The following PSTPIP1 variants were observed in gnomAD, a reference collection of about 807,000 sequenced individuals.
The protein encoded by PSTPIP1 is proline-serine-threonine phosphatase interacting protein 1, also known as proline-serine-threonine phosphatase-interacting protein 1.
A neutral mutation model predicts 69.6 loss-of-function variants in PSTPIP1; 66 were observed. The observed-to-expected ratio is 0.95, with a 90% CI of 0.78 to 1.16. The LOEUF (loss-of-function observed/expected upper bound fraction) is 1.16, where lower values mean the gene tolerates loss of function less well. Ranked by LOEUF, PSTPIP1 falls within the 50% of genes most tolerant of loss-of-function variation. The probability of loss-of-function intolerance (pLI) is 0.00; values close to 1 mark genes in which losing one functional copy is unlikely to be tolerated. For missense variants in PSTPIP1, 603 were observed against 557.4 expected (o/e 1.08, Z -0.82); for synonymous variants, 266 against 222.7 (o/e 1.19, Z -1.73).
At chr15:77,025,443 G>A (rs2076257690) in intron 4 of PSTPIP1, 55 bp from the exon 5 acceptor site, 1 of 1,587,066 alleles carries the variant, frequency 6.3e-7, no homozygotes, top group Non-Finnish European at 8.6e-7. Context: ...AGTTGTGGGT[G>A]GCTGAGGCCC....
chr15:77,016,222 C>T (rs951302438), intron 1 of PSTPIP1, among the ~76,000 whole-genome samples: 1 of 152,164 alleles, frequency 6.6e-6, no homozygotes, highest in African/African-American at 2.4e-5. Flanking sequence ...TGAGGGAAGC[C>T]GCACAAGGTG....
chr15:77,031,504 G>A, intron 10 of PSTPIP1: 1 of 447,370 alleles, frequency 2.2e-6, no homozygotes, highest in African/African-American at 2.0e-5. Context: ...ATGACTCTGT[G>A]GTTCCCCTGA....
intron 5 of PSTPIP1, chr15:77,026,052 G>T: frequency 2.2e-6 from 1 of 457,376 alleles, no homozygotes; most frequent in Non-Finnish European, 4.4e-6. Context: ...GTCAGACACA[G>T]ACTGGGGTGG....
intron 1 of PSTPIP1, among the ~76,000 whole-genome samples, chr15:77,006,986 G>A (rs865855867): frequency 6.6e-6 from 1 of 152,146 alleles, no homozygotes; most frequent in East Asian, 1.9e-4. Flanking sequence ...CTGAGGCCTG[G>A]ACCCTCCTGA....
At chr15:77,018,273 G>T (rs376968033) in intron 2 of PSTPIP1, 25 bp downstream of exon 2, 4 of 1,559,436 alleles carry the variant, frequency 2.6e-6, no homozygotes, top group African/African-American at 2.7e-5. Context: ...AGGCCATGGG[G>T]AGCGCAGGCA....
chr15:77,020,884 G>GTC (rs1455765353), intron 3 of PSTPIP1, among the ~76,000 whole-genome samples: 14 of 148,366 alleles, frequency 9.4e-5, no homozygotes, highest in Non-Finnish European at 1.5e-4. Flanking sequence ...GGGGGGGTGT[G>GTC]TGTGTTGGCC....
At chr15:77,035,718 G>A in intron 13 of PSTPIP1, 84 bp from the exon 14 acceptor site, 1 of 1,513,228 alleles carries the variant, frequency 6.6e-7, no homozygotes, top group South Asian at 1.2e-5. Flanking sequence ...GCAGGGCCCA[G>A]CATGGAGAAA....
chr15:77,032,641 G>GCCCCCACTC (rs1270615881), intron 11 of PSTPIP1: 2 of 615,996 alleles, frequency 3.2e-6, no homozygotes, highest in Non-Finnish European at 2.9e-6. Context: ...AGCTCCCACG[G>GCCCCCACTC]CCCCCACTCC....
At chr15:77,015,730 G>T (rs777934681) in intron 1 of PSTPIP1, 81 of 355,484 alleles carry the variant, frequency 2.3e-4, no homozygotes, top group Non-Finnish European at 3.8e-4. Flanking sequence ...TGGCAGGGGT[G>T]GGGGTGAAGG....
intron 1 of PSTPIP1, among the ~76,000 whole-genome samples, chr15:77,003,457 C>A (rs901486675): frequency 1.2e-4 from 19 of 152,246 alleles, no homozygotes; most frequent in Non-Finnish European, 2.6e-4. Context: ...GGTTCGAGAC[C>A]AGCCTGGCCA....
At chr15:77,026,671 G>A (rs113989057) in intron 5 of PSTPIP1, among the ~76,000 whole-genome samples, 1,906 of 152,348 alleles carry the variant, frequency 0.013, 26 homozygotes, top group African/African-American at 0.034. Flanking sequence ...GTGGCTGCCC[G>A]TGCCACCTGC....
At chr15:77,003,506 A>G (rs1006041661) in intron 1 of PSTPIP1, among the ~76,000 whole-genome samples, 3 of 152,152 alleles carry the variant, frequency 2.0e-5, no homozygotes, top group Non-Finnish European at 2.9e-5. Context: ...CTACAAAAAA[A>G]TTAGCGGGGC....
At chr15:77,016,721 T>C (rs2076059908) in intron 1 of PSTPIP1, among the ~76,000 whole-genome samples, 9 of 152,048 alleles carry the variant, frequency 5.9e-5, no homozygotes, top group Admixed American at 5.9e-4. Flanking sequence ...GTTGGGGCAA[T>C]TTATGCCATT....
At chr15:77,004,464 T>A (rs1245347955) in intron 1 of PSTPIP1, among the ~76,000 whole-genome samples, 3 of 152,058 alleles carry the variant, frequency 2.0e-5, no homozygotes, top group Non-Finnish European at 4.4e-5. Flanking sequence ...ACAGCCACAC[T>A]GGGGAGGAAG....
At position 76,995,681 on chromosome 15, in the gene PSTPIP1, A is replaced by T. The variant is rs564040947; in HGVS notation, c.36+72A>T. ...CTAGGCTGAAATCTCCATGCAGGTG[A>T]TGGGATGCGGCTCCGAGAGGGGAGC... On this transcript the variant is annotated intron_variant, in intron 1 of 14. Transcript: ENST00000558012. 455 of 1,608,784 alleles carry T rather than the reference A, an allele frequency of 2.8e-4. 5 individuals carry two copies. In the South Asian group the frequency reaches 4.8e-3, roughly 17 times the overall value.
rs966609801 is a variant in PSTPIP1 at position 76,995,286 on chromosome 15, G to A, written c.-288G>A. 3.6e-5 allele frequency: 48 copies of A among 1,340,562 alleles called. No individual in the cohort carries two copies. The highest frequency in any genetic ancestry group is 2.6e-4 in the South Asian group (16 of 62,514). The allele number at this position is 1,340,562 out of a possible 1,614,324, so 83.0% of individuals were successfully genotyped here. On this transcript the variant is annotated 5_prime_UTR_variant, in exon 1 of 15. Transcript: ENST00000558012. ...CTGTGTCCTCCATCACCGCAGGGTC[G>A]GTGAGGGGCTGGGCTGGACACCAGG...
intron 6 of PSTPIP1, 87 bp downstream of exon 6, chr15:77,028,001 G>T (rs1382875463): frequency 7.9e-7 from 1 of 1,258,032 alleles, no homozygotes; most frequent in African/African-American, 1.5e-5. Flanking sequence ...CCCCGGGCAG[G>T]GCATTTGGAA....
At chr15:77,006,995 G>A (rs1024383003) in intron 1 of PSTPIP1, among the ~76,000 whole-genome samples, 38 of 152,138 alleles carry the variant, frequency 2.5e-4, no homozygotes, top group African/African-American at 8.9e-4. Flanking sequence ...GGACCCTCCT[G>A]AGTTTGCCCA....
At chr15:77,006,481 G>A (rs570644424) in intron 1 of PSTPIP1, among the ~76,000 whole-genome samples, 1 of 152,172 alleles carries the variant, frequency 6.6e-6, no homozygotes, top group East Asian at 1.9e-4. Context: ...TCTTTGTTTT[G>A]TTGCCTATGA....
Sources: allele counts gnomAD v4.1 joint callset (sites outside exome capture counted in the v4.1 genomes callset), GRCh38; gene constraint gnomAD v4.1.1; transcripts MANE v1.5; gene names NCBI Gene and HGNC (gene_info 2026-07-23, HGNC 2026-07-21).